TACC2: variants seen among roughly 807,000 people sequenced by gnomAD.
TACC2 encodes the protein transforming acidic coiled-coil-containing protein 2.
TACC2 carries 137 observed loss-of-function variants against 227.3 expected under a neutral mutation model. That is an observed-to-expected ratio of 0.60 (90% CI 0.52 to 0.69). The LOEUF (loss-of-function observed/expected upper bound fraction) is 0.69. Ranked by LOEUF, TACC2 falls within the 30% of genes least tolerant of loss-of-function variation. The probability of loss-of-function intolerance (pLI) is 0.00; values close to 1 mark genes in which losing one functional copy is unlikely to be tolerated. For missense variants in TACC2, 3,470 were observed against 3,694.4 expected, an observed-to-expected ratio of 0.94 and a Z score of 1.57; for synonymous variants, 1,523 against 1,487.5, an observed-to-expected ratio of 1.02 and a Z score of -0.55.
chr10:122,162,748 C>T (rs2092898975), intron 7 of TACC2, among the ~76,000 whole-genome samples: 3 of 152,094 alleles, frequency 2.0e-5, no homozygotes, highest in Non-Finnish European at 4.4e-5. Context: ...TGACTGGGCA[C>T]TGGGAGCTTG....
At chr10:122,056,496 G>T (rs1591526521) in intron 3 of TACC2, among the ~76,000 whole-genome samples, 1 of 152,134 alleles carries the variant, frequency 6.6e-6, no homozygotes, top group Non-Finnish European at 1.5e-5. Flanking sequence ...TTTCTAACAG[G>T]TTCCCAGGTA....
chr10:122,000,435 T>A (rs1425254500), intron 1 of TACC2, among the ~76,000 whole-genome samples: 1 of 152,080 alleles, frequency 6.6e-6, no homozygotes, highest in Non-Finnish European at 1.5e-5. Context: ...GTAGCCAAAT[T>A]ACTGGCAGAT....
rs1215691127 is a variant in TACC2 at position 122,082,941 on chromosome 10, A to G, written c.441A>G (p.Pro147=). 6.2e-7 allele frequency: 1 copy of G among 1,613,076 alleles called. No homozygotes were observed. Among genetic ancestry groups the G allele is most frequent in the Non-Finnish European group, 8.5e-7 (1 of 1,180,018 alleles). Reference sequence around the variant, plus strand: ...GGAGGGAACCTGCCCCAAATGCCCCAGGAGACATCGCGGCGGCATTTCCCG... The same window carrying G: ...GGAGGGAACCTGCCCCAAATGCCCCGGGAGACATCGCGGCGGCATTTCCCG... ...SPRREPAPNA[P]GDIAAAFPAE... The change falls in exon 4 of 23, where the codon CCA becomes CCG. Residue 147 remains proline (P), a synonymous_variant. Transcript: ENST00000369005.
chr10:122,224,420 A>G (rs563169895), intron 11 of TACC2, among the ~76,000 whole-genome samples: 11 of 152,316 alleles, frequency 7.2e-5, no homozygotes, highest in Admixed American at 1.3e-4. Context: ...CACTCAGCGC[A>G]GAGTGCTCAG....
chr10:122,175,576 C>T (rs1162836838), intron 7 of TACC2, among the ~76,000 whole-genome samples: 1 of 152,134 alleles, frequency 6.6e-6, no homozygotes, highest in Non-Finnish European at 1.5e-5. Context: ...TTTCTGGATA[C>T]TGTTTTTCTT....
intron 22 of TACC2, among the ~76,000 whole-genome samples, chr10:122,252,633 G>A (rs2141996109): frequency 6.6e-6 from 1 of 152,172 alleles, no homozygotes; most frequent in Non-Finnish European, 1.5e-5. Flanking sequence ...TGGGATTACA[G>A]GTGTGTGCCA....
chr10:122,094,831 GTGA>G (rs2081208398), intron 5 of TACC2, among the ~76,000 whole-genome samples: 1 of 152,178 alleles, frequency 6.6e-6, no homozygotes, highest in South Asian at 2.1e-4. Flanking sequence ...TCAGATCAAG[GTGA>G]TGATTTCCCA....
chr10:122,212,101 A>G (rs918355321), intron 9 of TACC2, among the ~76,000 whole-genome samples: 1 of 152,218 alleles, frequency 6.6e-6, no homozygotes, highest in Non-Finnish European at 1.5e-5. Flanking sequence ...GCTGGGAGAT[A>G]CACCCTTTAA....
intron 11 of TACC2, among the ~76,000 whole-genome samples, chr10:122,221,466 G>T (rs963488108): frequency 6.6e-6 from 1 of 152,164 alleles, no homozygotes; most frequent in East Asian, 1.9e-4. Context: ...CTTTAACACA[G>T]CTCTGTTAGT....
At chr10:122,189,549 C>G (rs2094336594) in intron 7 of TACC2, among the ~76,000 whole-genome samples, 1 of 152,168 alleles carries the variant, frequency 6.6e-6, no homozygotes, top group Admixed American at 6.5e-5. Flanking sequence ...CTGTCTTTGG[C>G]CTGCACTGTG....
At chr10:122,107,546 A>G (rs746436115) in intron 5 of TACC2, among the ~76,000 whole-genome samples, 1 of 152,118 alleles carries the variant, frequency 6.6e-6, no homozygotes, top group Non-Finnish European at 1.5e-5. Flanking sequence ...CCCAGATCAC[A>G]CTGTTGCACT....
intron 6 of TACC2, among the ~76,000 whole-genome samples, chr10:122,133,027 G>C (rs2088693539): frequency 2.0e-5 from 3 of 152,126 alleles, no homozygotes; most frequent in Admixed American, 1.3e-4. Flanking sequence ...GTGGCCTTCA[G>C]GGGTCCCTAT....
At position 122,237,484 on chromosome 10, in the gene TACC2, CCTT is replaced by C; in HGVS notation, c.8220_8222del (p.Leu2741del). 1 of 1,614,140 alleles carries C rather than the reference CCTT, an allele frequency of 6.2e-7. No individual in the cohort carries two copies. The highest frequency in any genetic ancestry group is 1.3e-5 in the African/African-American group (1 of 75,052). Reference sequence around the variant, plus strand: ...CCGCTGAGGTGGAGAAACCTGCAGGCCTTCTGTTCCAGCAGCCCGACCTGGACT... The same window carrying C: ...CCGCTGAGGTGGAGAAACCTGCAGGCCTGTTCCAGCAGCCCGACCTGGACT... On this transcript the variant is annotated inframe_deletion, in exon 17 of 23. Coordinates refer to ENST00000369005, the MANE Select transcript of TACC2 (RefSeq NM_206862.4).
intron 3 of TACC2, 74 bp from the exon 4 acceptor site, chr10:122,082,572 TG>T: frequency 2.7e-6 from 4 of 1,507,376 alleles, no homozygotes; most frequent in Non-Finnish European, 1.8e-6. Context: ...GGGGGTGGGT[TG>T]GGGGGTGACC....
At position 122,086,828 on chromosome 10, in the gene TACC2, C is replaced by A. The variant is rs1432466986; in HGVS notation, c.4328C>A (p.Thr1443Asn). Residue 1443 changes from threonine (T) to asparagine (N), a missense_variant, in exon 4 of 23, where the codon ACC (threonine) becomes AAC (asparagine). Transcript: ENST00000369005. The stretch of plus-strand genomic sequence containing the variant: ...AGGAGTGCAGTGGGTAAAGACCTCA[C>A]CAGGCCATTGGGCCCAGAGAAGCTT... ...AGRSAVGKDL[T>N]RPLGPEKLLD... 6.2e-7 allele frequency: 1 copy of A among 1,613,942 alleles called. No individual in the cohort carries two copies. Among genetic ancestry groups the A allele is most frequent in the Admixed American group, 1.7e-5 (1 of 60,018 alleles).
intron 3 of TACC2, among the ~76,000 whole-genome samples, chr10:122,065,061 T>C (rs1591615357): frequency 6.6e-6 from 1 of 152,230 alleles, no homozygotes; most frequent in Non-Finnish European, 1.5e-5. Context: ...CTCTGGCTTA[T>C]TTTATACACG....
intron 16 of TACC2, among the ~76,000 whole-genome samples, chr10:122,234,805 T>C (rs1206435359): frequency 6.6e-6 from 1 of 152,264 alleles, no homozygotes; most frequent in Admixed American, 6.5e-5. Flanking sequence ...TTAGTCATAT[T>C]TAGTTTCTGC....
chr10:122,202,065 T>C (rs2140838216), intron 8 of TACC2, among the ~76,000 whole-genome samples: 1 of 150,762 alleles, frequency 6.6e-6, no homozygotes, highest in Non-Finnish European at 1.5e-5. Flanking sequence ...TTATTTTCGA[T>C]GATGGCTCAT....
intron 5 of TACC2, 93 bp downstream of exon 5, chr10:122,088,684 A>G: frequency 6.4e-7 from 1 of 1,553,372 alleles, no homozygotes; most frequent in South Asian, 1.2e-5. Flanking sequence ...GTCCTTATAC[A>G]GCATGAGTTC....
Sources: gnomAD v4.1 joint callset for allele counts (sites outside exome capture counted in the v4.1 genomes callset) on GRCh38, gnomAD v4.1.1 for gene constraint, MANE v1.5 for transcripts, NCBI Gene and HGNC (gene_info 2026-07-23, HGNC 2026-07-21) for gene names.